AKAP19: variants seen among roughly 807,000 people sequenced by gnomAD.
AKAP19 encodes small A-kinase anchoring protein.
chr2:190,185,601 C>T, the AKAP19 span, among the ~76,000 whole-genome samples: 1 of 152,124 alleles, frequency 6.6e-6, no homozygotes, highest in Non-Finnish European at 1.5e-5. Context: ...ACCTGGTAGC[C>T]AGAGTGAAGC....
At chr2:189,924,189 C>T in the AKAP19 span, 8 of 1,499,248 alleles carry the variant, frequency 5.3e-6, no homozygotes, top group Non-Finnish European at 7.3e-6. Context: ...ATGACAGAGA[C>T]AGCGCCAATG....
chr2:190,089,964 T>C, the AKAP19 span, among the ~76,000 whole-genome samples: 1 of 152,172 alleles, frequency 6.6e-6, no homozygotes, highest in Non-Finnish European at 1.5e-5. Flanking sequence ...TCTTACACCA[T>C]GCAGAGCAGT....
chr2:189,888,630 G>C, the AKAP19 span, among the ~76,000 whole-genome samples: 1 of 152,086 alleles, frequency 6.6e-6, no homozygotes, highest in Admixed American at 6.5e-5. Context: ...GCAGTGGTTT[G>C]TAGTTCTCCT....
chr2:189,920,423 AG>A, the AKAP19 span, among the ~76,000 whole-genome samples: 6 of 152,168 alleles, frequency 3.9e-5, no homozygotes, highest in Non-Finnish European at 5.9e-5. Flanking sequence ...TTTTCCTTTA[AG>A]GCACAAATAG....
At chr2:189,928,636 G>C in the AKAP19 span, among the ~76,000 whole-genome samples, 2 of 151,998 alleles carry the variant, frequency 1.3e-5, no homozygotes, top group African/African-American at 4.8e-5. Context: ...TCATCTTTAA[G>C]TCTTTCCATC....
the AKAP19 span, among the ~76,000 whole-genome samples, chr2:189,908,874 T>G: frequency 2.8e-4 from 42 of 152,216 alleles, no homozygotes; most frequent in African/African-American, 9.6e-4. Flanking sequence ...TAGGTCCACT[T>G]GGTCTACAGT....
the AKAP19 span, among the ~76,000 whole-genome samples, chr2:189,904,215 G>C: frequency 6.6e-6 from 1 of 152,016 alleles, no homozygotes; most frequent in Admixed American, 6.6e-5. Context: ...TTTATGTAGT[G>C]CTTGATGCCT....
chr2:190,082,934 C>T, the AKAP19 span, among the ~76,000 whole-genome samples: 1 of 152,114 alleles, frequency 6.6e-6, no homozygotes, highest in Non-Finnish European at 1.5e-5. Context: ...AAACTTAACA[C>T]TTTTTAAATT....
At chr2:190,045,026 G>A in the AKAP19 span, among the ~76,000 whole-genome samples, 36 of 152,142 alleles carry the variant, frequency 2.4e-4, no homozygotes, top group African/African-American at 8.7e-4. Context: ...GTTGCTTCAG[G>A]CACTCCGAAG....
the AKAP19 span, among the ~76,000 whole-genome samples, chr2:190,030,997 C>A: frequency 6.6e-6 from 1 of 152,150 alleles, no homozygotes; most frequent in Non-Finnish European, 1.5e-5. Context: ...AGATAATTCA[C>A]GGTTTGCTGG....
chr2:190,072,320 CT>C, the AKAP19 span, among the ~76,000 whole-genome samples: 1 of 152,104 alleles, frequency 6.6e-6, no homozygotes, highest in Non-Finnish European at 1.5e-5. Flanking sequence ...ACTAAGCTCA[CT>C]ACCTGGATGA....
the AKAP19 span, among the ~76,000 whole-genome samples, chr2:190,039,245 A>G: frequency 6.6e-6 from 1 of 151,706 alleles, no homozygotes; most frequent in Admixed American, 6.6e-5. Flanking sequence ...TGCACAGCTC[A>G]TTTTTGTATT....
At chr2:190,182,621 C>T in the AKAP19 span, among the ~76,000 whole-genome samples, 16 of 152,100 alleles carry the variant, frequency 1.1e-4, no homozygotes, top group South Asian at 1.0e-3. Flanking sequence ...TACCTAAGAC[C>T]CCTCTCTGTG....
chr2:190,125,878 T>C, the AKAP19 span, among the ~76,000 whole-genome samples: 1 of 152,142 alleles, frequency 6.6e-6, no homozygotes, highest in African/African-American at 2.4e-5. Context: ...AGATATTACT[T>C]ATATAAAGCT....
At chr2:190,198,550 T>G in the AKAP19 span, among the ~76,000 whole-genome samples, 1 of 148,572 alleles carries the variant, frequency 6.7e-6, no homozygotes, top group Non-Finnish European at 1.5e-5. Flanking sequence ...AAGGATCACT[T>G]GAACCCAGGA....
At chr2:190,131,222 G>A in the AKAP19 span, among the ~76,000 whole-genome samples, 4 of 152,238 alleles carry the variant, frequency 2.6e-5, no homozygotes, top group South Asian at 8.3e-4. Flanking sequence ...ACTCTTAGTG[G>A]GCACCTAGAT....
chr2:190,083,191 C>T, the AKAP19 span, among the ~76,000 whole-genome samples: 1 of 152,064 alleles, frequency 6.6e-6, no homozygotes, highest in Admixed American at 6.5e-5. Context: ...CAAGCCTGGG[C>T]AATATGGCAA....
the AKAP19 span, among the ~76,000 whole-genome samples, chr2:189,921,669 A>G: frequency 6.6e-6 from 1 of 152,306 alleles, no homozygotes; most frequent in South Asian, 2.1e-4. Context: ...GGAATGTTTC[A>G]ATAGAGAGGG....
At chr2:189,975,496 T>G in the AKAP19 span, among the ~76,000 whole-genome samples, 2 of 152,182 alleles carry the variant, frequency 1.3e-5, no homozygotes, top group African/African-American at 4.8e-5. Context: ...TTTGTGGCGT[T>G]CTCTGTATTT....
Sources: gnomAD v4.1 joint callset for allele counts (sites outside exome capture counted in the v4.1 genomes callset) on GRCh38, gnomAD v4.1.1 for gene constraint, MANE v1.5 for transcripts, NCBI Gene and HGNC (gene_info 2026-07-23, HGNC 2026-07-21) for gene names.